The following CACNA1C variants were observed in gnomAD, a reference collection of about 807,000 sequenced individuals.
CACNA1C encodes the protein voltage-dependent L-type calcium channel subunit alpha-1C.
A neutral mutation model predicts 229.0 loss-of-function variants in CACNA1C; 30 were observed. The observed-to-expected ratio is 0.13, with a 90% confidence interval of 0.10 to 0.18. CACNA1C has a LOEUF of 0.18. Among genes scored for constraint, CACNA1C ranks in the 10% least tolerant of loss-of-function variants. CACNA1C has a pLI of 1.00. For missense variants in CACNA1C, 1,658 were observed against 2,845.0 expected (o/e 0.58, Z 9.49); for synonymous variants, 1,114 against 1,132.5 (o/e 0.98, Z 0.33).
chr12:2,356,448 TG>T (rs1010332544), intron 3 of CACNA1C, among the ~76,000 whole-genome samples: 4 of 152,214 alleles, frequency 2.6e-5, no homozygotes, highest in Non-Finnish European at 4.4e-5. Flanking sequence ...GTTCTCACAT[TG>T]GAACCCACAG....
In CACNA1C at chr12:2,665,527, G is replaced by T; in HGVS notation, c.4399-54G>T. 6.2e-7 allele frequency: 1 copy of T among 1,601,362 alleles called. No homozygotes were observed. Among genetic ancestry groups the T allele is most frequent in the Non-Finnish European group, 8.5e-7 (1 of 1,172,548 alleles). ...CCCCAGCTGGCAAGGGGGTTCCAGA[G>T]GCAGGTGTGTAGGAAGGTCTTCTCA... On this transcript the variant is annotated intron_variant, in intron 35 of 46. Coordinates refer to ENST00000399655, the MANE Select transcript of CACNA1C (RefSeq NM_000719.7). This position sits in a 1 kb window ranked among gnomAD's most constrained non-coding sequence, Gnocchi z 5.9.
chr12:2,628,814 T>C (rs1208535112), intron 29 of CACNA1C, among the ~76,000 whole-genome samples: 1 of 152,122 alleles, frequency 6.6e-6, no homozygotes, highest in Non-Finnish European at 1.5e-5. Context: ...CAGTGAGCTA[T>C]GATCACACCA....
In CACNA1C at chr12:2,412,095, T is replaced by C. The variant is rs188046790; in HGVS notation, c.478-36881T>C. ...CCCCCATGCCCACCTGCCACTCCACTGCCCTTAGCTCGTTACCCCTGTGGC... is the reference window on the plus strand; with the variant it reads ...CCCCCATGCCCACCTGCCACTCCACCGCCCTTAGCTCGTTACCCCTGTGGC... On this transcript the variant is annotated intron_variant, in intron 3 of 46. Coordinates refer to ENST00000399655, the MANE Select transcript of CACNA1C (RefSeq NM_000719.7). 4.9e-3 allele frequency among the ~76,000 whole-genome samples: 718 copies of C among 146,208 alleles called. 27 individuals carry two copies. The highest frequency in any genetic ancestry group is 0.044 in the Admixed American group (657 of 14,826).
intron 1 of CACNA1C, among the ~76,000 whole-genome samples, chr12:2,069,763 C>T (rs10848608): frequency 0.24 from 36,060 of 152,054 alleles, 4,561 homozygotes; most frequent in African/African-American, 0.34. Context: ...TGGTCCTTTA[C>T]GTACTATTGG....
At chr12:2,539,287 TAAG>T (rs1246280564) in intron 9 of CACNA1C, among the ~76,000 whole-genome samples, 23 of 73,584 alleles carry the variant, frequency 3.1e-4, no homozygotes, top group African/African-American at 1.4e-3. Context: ...TTTAAGGACT[TAAG>T]GAGGGCTTCA....
chr12:2,668,592 G>C, intron 37 of CACNA1C: 1 of 262,012 alleles, frequency 3.8e-6, no homozygotes, highest in Non-Finnish European at 7.4e-6. Context: ...GAGGCCTCAG[G>C]AAGCTTCCAA....
chr12:2,288,596 G>A (rs1049885958), intron 3 of CACNA1C: 6 of 152,330 alleles, frequency 3.9e-5, no homozygotes, highest in Non-Finnish European at 7.3e-5. Context: ...GCGGGGCTGA[G>A]AAGGTGCCCT....
intron 1 of CACNA1C, among the ~76,000 whole-genome samples, chr12:2,078,547 A>G (rs993115742): frequency 6.6e-6 from 1 of 152,244 alleles, no homozygotes; most frequent in Non-Finnish European, 1.5e-5. Context: ...TCTTAGAAGT[A>G]GAATTGTGGT....
intron 3 of CACNA1C, among the ~76,000 whole-genome samples, chr12:2,247,513 G>T (rs1037964358): frequency 6.6e-6 from 1 of 152,250 alleles, no homozygotes; most frequent in Non-Finnish European, 1.5e-5. Context: ...AGTTTAACAC[G>T]GCAATGTGAC....
intron 3 of CACNA1C, among the ~76,000 whole-genome samples, chr12:2,329,745 G>A (rs974070960): frequency 2.0e-5 from 3 of 152,226 alleles, no homozygotes; most frequent in Admixed American, 6.5e-5. Context: ...GAATAAAGTA[G>A]GAAAAGGGGA....
intron 8 of CACNA1C, among the ~76,000 whole-genome samples, chr12:2,507,663 C>T (rs564594586): frequency 1.2e-4 from 18 of 152,320 alleles, no homozygotes; most frequent in African/African-American, 3.6e-4. Flanking sequence ...TCGGCGTGTT[C>T]GCTAGATTCG....
intron 15 of CACNA1C, among the ~76,000 whole-genome samples, chr12:2,583,603 AAC>A (rs1195389388): frequency 6.6e-6 from 1 of 152,174 alleles, no homozygotes; most frequent in Non-Finnish European, 1.5e-5. Flanking sequence ...CAGTGCAGAA[AAC>A]ACAGTCATGG....
chr12:2,291,621 C>A (rs947547879), intron 3 of CACNA1C, among the ~76,000 whole-genome samples: 1 of 152,186 alleles, frequency 6.6e-6, no homozygotes, highest in African/African-American at 2.4e-5. Context: ...CAGTGGAGGG[C>A]GCAGGATTTG....
At chr12:2,126,542 A>G (rs1267615544) in intron 3 of CACNA1C, among the ~76,000 whole-genome samples, 1 of 152,244 alleles carries the variant, frequency 6.6e-6, no homozygotes, top group African/African-American at 2.4e-5. Flanking sequence ...GACCTTGTGC[A>G]AAGAACAGTG....
chr12:2,607,296 G>A (rs778531314), intron 26 of CACNA1C, 166 bp downstream of exon 26: 7 of 644,582 alleles, frequency 1.1e-5, no homozygotes, highest in Non-Finnish European at 1.8e-5. Context: ...ACAGTCCACT[G>A]TCACTGCTGA....
At position 2,585,231 on chromosome 12, in the gene CACNA1C, A is replaced by G; in HGVS notation, c.2340-145A>G. On this transcript the variant is annotated intron_variant, in intron 16 of 46. Coordinates refer to ENST00000399655, the MANE Select transcript of CACNA1C (RefSeq NM_000719.7). The surrounding 1 kb of genome is among the most constrained non-coding windows in gnomAD (Gnocchi z 4.1). Reference sequence around the variant, plus strand: ...ACTTGTGACTGAGCTGCACACGAGAAGCGTCCTGGAGAAAGGAAGATGGAC... The same window carrying G: ...ACTTGTGACTGAGCTGCACACGAGAGGCGTCCTGGAGAAAGGAAGATGGAC... The G allele has an allele frequency of 1.5e-6, 1 of 682,024 alleles. No homozygotes were observed. Among genetic ancestry groups the G allele is most frequent in the Non-Finnish European group, 2.3e-6 (1 of 439,454 alleles). 42.2% of individuals were successfully genotyped at this position (682,024 alleles called of 1,614,324 possible). A position where few individuals can be genotyped will look rare whatever the true frequency, so the allele number is the denominator to read the frequency against.
At chr12:2,668,416 CCCA>C (rs1348356886) in intron 37 of CACNA1C, 1 of 153,354 alleles carries the variant, frequency 6.5e-6, no homozygotes, top group Non-Finnish European at 1.5e-5. Flanking sequence ...TCCAGCAACA[CCCA>C]CACAAGCTGC....
intron 3 of CACNA1C, among the ~76,000 whole-genome samples, chr12:2,314,436 G>A (rs1407682867): frequency 2.6e-5 from 4 of 152,150 alleles, no homozygotes; most frequent in African/African-American, 4.8e-5. Context: ...TCGTGCACAC[G>A]GCTGTGTCGC....
chr12:2,188,676 A>AG, intron 3 of CACNA1C, among the ~76,000 whole-genome samples: 1 of 152,322 alleles, frequency 6.6e-6, no homozygotes, highest in East Asian at 1.9e-4. Context: ...CTTGGGTCTC[A>AG]GGTCCTCTAA....
Sources: allele counts gnomAD v4.1 joint callset (sites outside exome capture counted in the v4.1 genomes callset), GRCh38; gene constraint gnomAD v4.1.1; non-coding constraint Gnocchi (gnomAD v3.1); transcripts MANE v1.5; gene names NCBI Gene and HGNC (gene_info 2026-07-23, HGNC 2026-07-21).